Variants in PEX5L observed in about 807,000 individuals in gnomAD.
The protein encoded by PEX5L is PEX5-related protein.
Under a neutral mutation model 84.0 loss-of-function variants are expected in PEX5L, and 30 were observed. The observed-to-expected ratio is 0.36, with a 90% CI of 0.27 to 0.48. The LOEUF is 0.48. Among genes scored for constraint, PEX5L ranks in the 20% least tolerant of loss-of-function variants. The pLI, the probability that PEX5L is intolerant of heterozygous loss-of-function variation, is 0.99. For missense variants in PEX5L, 533 were observed against 754.6 expected (o/e 0.71, Z 3.44); for synonymous variants, 270 against 283.1 (o/e 0.95, Z 0.46).
chr3:179,934,987 C>T (rs1488855808), intron 2 of PEX5L, among the ~76,000 whole-genome samples: 1 of 151,388 alleles, frequency 6.6e-6, no homozygotes, highest in East Asian at 1.9e-4. Flanking sequence ...GCAGAAATAA[C>T]TTGGCCATGA....
chr3:179,861,475 G>A (rs545278121), intron 7 of PEX5L, among the ~76,000 whole-genome samples: 5 of 152,342 alleles, frequency 3.3e-5, no homozygotes, highest in South Asian at 2.1e-4. Flanking sequence ...TGCAAGGCCC[G>A]CAGGCAGCAC....
At chr3:179,900,284 T>C (rs1760850831) in intron 2 of PEX5L, among the ~76,000 whole-genome samples, 1 of 152,210 alleles carries the variant, frequency 6.6e-6, no homozygotes, top group Non-Finnish European at 1.5e-5. Context: ...AGTGGCATGC[T>C]TATATTTCAA....
intron 8 of PEX5L, among the ~76,000 whole-genome samples, chr3:179,833,195 T>C (rs1418621632): frequency 6.6e-6 from 1 of 152,108 alleles, no homozygotes; most frequent in Non-Finnish European, 1.5e-5. Context: ...GAGGAAAGGG[T>C]GAATCTAAGA....
In PEX5L at chr3:179,795,823, CTAAA is replaced by C. The variant is rs1416277905; in HGVS notation, c.*6001_*6004del. ...TATAAAATATGTAGAAATGTCTTTT[CTAAA>C]TAGTTAAATGTTTGTTACAGTTTGT... is the stretch of plus-strand genomic sequence containing the variant. On this transcript the variant is annotated 3_prime_UTR_variant, in exon 15 of 15. Transcript: ENST00000467460. The C allele has an allele frequency of 6.6e-6, 1 of 151,832 alleles. No homozygotes were observed. The allele number at this position is 151,832 out of a possible 1,614,324, so 9.4% of individuals were successfully genotyped here.
chr3:179,864,445 C>T (rs1271777826), intron 7 of PEX5L, among the ~76,000 whole-genome samples: 2 of 152,036 alleles, frequency 1.3e-5, no homozygotes, highest in Non-Finnish European at 2.9e-5. Context: ...AAGACAAGTA[C>T]CATGTGATCT....
chr3:179,930,285 C>G (rs1448726975), intron 2 of PEX5L, among the ~76,000 whole-genome samples: 1 of 152,060 alleles, frequency 6.6e-6, no homozygotes, highest in East Asian at 1.9e-4. Flanking sequence ...TTTTTCTAGA[C>G]AGTGTCTAAC....
At chr3:180,011,620 G>T (rs1052262272) in intron 1 of PEX5L, among the ~76,000 whole-genome samples, 3 of 152,140 alleles carry the variant, frequency 2.0e-5, no homozygotes, top group African/African-American at 7.2e-5. Flanking sequence ...GTGATAATTT[G>T]CTTAAGTGAT....
At chr3:180,023,077 T>C (rs1790562210) in intron 1 of PEX5L, among the ~76,000 whole-genome samples, 1 of 152,198 alleles carries the variant, frequency 6.6e-6, no homozygotes, top group African/African-American at 2.4e-5. Context: ...CATGGAGATA[T>C]GGCCTGAATT....
intron 8 of PEX5L, among the ~76,000 whole-genome samples, chr3:179,838,640 C>G (rs768921032): frequency 1.5e-4 from 23 of 152,190 alleles, no homozygotes; most frequent in Middle Eastern, 3.4e-3. Context: ...TGTTGTCTAA[C>G]TAATAACTGT....
intron 3 of PEX5L, among the ~76,000 whole-genome samples, chr3:179,892,736 G>A (rs555083601): frequency 7.2e-4 from 109 of 152,126 alleles, no homozygotes; most frequent in Non-Finnish European, 1.1e-3. Context: ...CTAAGAAAAT[G>A]TTTCCAAATA....
At chr3:180,015,674 A>T (rs373181148) in intron 1 of PEX5L, among the ~76,000 whole-genome samples, 1 of 152,004 alleles carries the variant, frequency 6.6e-6, no homozygotes, top group Non-Finnish European at 1.5e-5. Context: ...TTCATGAACT[A>T]GAATTTCAGA....
At chr3:180,035,285 T>C (rs1221546837) in intron 1 of PEX5L, among the ~76,000 whole-genome samples, 3 of 152,224 alleles carry the variant, frequency 2.0e-5, no homozygotes, top group East Asian at 3.8e-4. Context: ...AATTCTTCTA[T>C]GTTACTTAAC....
chr3:179,816,902 G>A (rs1018812347), intron 9 of PEX5L, among the ~76,000 whole-genome samples: 5 of 151,398 alleles, frequency 3.3e-5, no homozygotes, highest in African/African-American at 9.7e-5. Flanking sequence ...TGCCACAACC[G>A]AGATACGACC....
chr3:179,883,426 T>C (rs1754778698), intron 4 of PEX5L, among the ~76,000 whole-genome samples: 1 of 152,204 alleles, frequency 6.6e-6, no homozygotes, highest in South Asian at 2.1e-4. Flanking sequence ...CTAATCTATT[T>C]TGGTGTCCTG....
chr3:179,921,904 T>C (rs969784602), intron 2 of PEX5L: 3 of 152,242 alleles, frequency 2.0e-5, no homozygotes, highest in African/African-American at 7.2e-5. Flanking sequence ...AAGCAATGTG[T>C]GTTTTCTTTA....
intron 2 of PEX5L, among the ~76,000 whole-genome samples, chr3:179,932,658 C>T (rs776142531): frequency 6.6e-6 from 1 of 152,072 alleles, no homozygotes; most frequent in South Asian, 2.1e-4. Flanking sequence ...AATTTAAGCT[C>T]TATTCACATT....
intron 8 of PEX5L, among the ~76,000 whole-genome samples, chr3:179,839,664 G>GTAA (rs2109325332): frequency 6.6e-6 from 1 of 152,294 alleles, no homozygotes; most frequent in Admixed American, 6.5e-5. Flanking sequence ...CTTGCACTGA[G>GTAA]TAATTTGTGA....
chr3:180,003,749 T>C (rs6783759), intron 1 of PEX5L, among the ~76,000 whole-genome samples: 6,211 of 152,240 alleles, frequency 0.041, 421 homozygotes, highest in African/African-American at 0.14. Flanking sequence ...AACTAAATAA[T>C]AATGACATCT....
intron 2 of PEX5L, 101 bp downstream of exon 2, chr3:179,971,493 C>G (rs769292755): frequency 1.5e-6 from 2 of 1,343,586 alleles, no homozygotes; most frequent in Non-Finnish European, 9.6e-7. Flanking sequence ...TTTAGTCAGA[C>G]AGGCTAATAC....
Sources: allele counts gnomAD v4.1 joint callset (sites outside exome capture counted in the v4.1 genomes callset), GRCh38; gene constraint gnomAD v4.1.1; transcripts MANE v1.5; gene names NCBI Gene and HGNC (gene_info 2026-07-23, HGNC 2026-07-21).